Variants in NRG3 observed in about 807,000 individuals in gnomAD.
NRG3 encodes the protein pro-neuregulin-3, membrane-bound isoform.
A neutral mutation model predicts 66.9 loss-of-function variants in NRG3; 31 were observed. That is an observed-to-expected ratio of 0.46 (90% CI 0.35 to 0.63). The LOEUF is 0.63. Among genes scored for constraint, NRG3 ranks in the 20% least tolerant of loss-of-function variants. NRG3 has a pLI of 0.00. For missense variants in NRG3, 910 were observed against 878.9 expected (o/e 1.04, Z -0.45); for synonymous variants, 393 against 359.4 (o/e 1.09, Z -1.06).
chr10:82,961,989 A>G (rs1264212659), intron 6 of NRG3, among the ~76,000 whole-genome samples: 1 of 152,248 alleles, frequency 6.6e-6, no homozygotes, highest in Non-Finnish European at 1.5e-5. Context: ...AGTGTTTAAC[A>G]AATGAATTGT....
chr10:82,303,889 TA>T (rs1310878633), intron 1 of NRG3, among the ~76,000 whole-genome samples: 1 of 151,796 alleles, frequency 6.6e-6, no homozygotes, highest in Non-Finnish European at 1.5e-5. Context: ...AATAAATAAA[TA>T]AAAAAGAAGA....
At chr10:81,987,371 C>T (rs1185863389) in intron 1 of NRG3, among the ~76,000 whole-genome samples, 2 of 152,312 alleles carry the variant, frequency 1.3e-5, no homozygotes, top group African/African-American at 4.8e-5. Context: ...AGGCGTGAGC[C>T]ACCATGCCTG....
intron 2 of NRG3, among the ~76,000 whole-genome samples, chr10:82,703,128 G>A (rs1353261902): frequency 6.6e-6 from 1 of 151,612 alleles, no homozygotes; most frequent in Non-Finnish European, 1.5e-5. Context: ...AGACAGTGCT[G>A]TATATACAGA....
chr10:81,950,516 A>G (rs1849256686), intron 1 of NRG3, among the ~76,000 whole-genome samples: 2 of 152,188 alleles, frequency 1.3e-5, no homozygotes, highest in South Asian at 4.1e-4. Flanking sequence ...CTACTCCTTC[A>G]TGCTGCAGAA....
chr10:82,166,559 T>C (rs901595820), intron 1 of NRG3, among the ~76,000 whole-genome samples: 9 of 152,020 alleles, frequency 5.9e-5, no homozygotes, highest in Admixed American at 5.9e-4. Context: ...GCCCATATTA[T>C]AAATACTATA....
intron 3 of NRG3, among the ~76,000 whole-genome samples, chr10:82,747,398 T>G (rs1156335226): frequency 6.6e-6 from 1 of 152,048 alleles, no homozygotes; most frequent in East Asian, 1.9e-4. Flanking sequence ...GAGGATAAAT[T>G]CCTAGATTTT....
intron 3 of NRG3, among the ~76,000 whole-genome samples, chr10:82,791,372 A>G (rs978736359): frequency 3.3e-5 from 5 of 151,134 alleles, no homozygotes; most frequent in Admixed American, 6.6e-5. Context: ...ATTCCTTATC[A>G]TGTGCAGCCA....
rs1844732435 is a variant in NRG3, at chr10:82,906,319, A to G, written c.1054+40882A>G. On this transcript the variant is annotated intron_variant, in intron 4 of 8. Coordinates refer to ENST00000372141, the MANE Select transcript of NRG3 (RefSeq NM_001010848.4). ...CACACGTCGTATCATAATTTATACTACTTTTCATGACAGCAATGTTAAAAT... is the reference window on the plus strand; with the variant it reads ...CACACGTCGTATCATAATTTATACTGCTTTTCATGACAGCAATGTTAAAAT... Among the ~76,000 whole-genome samples, 4 of 152,110 alleles carry G rather than the reference A, an allele frequency of 2.6e-5. No individual in the cohort carries two copies. The South Asian group carries it at 8.3e-4, about 32-fold the overall frequency.
At chr10:82,660,481 G>A (rs532274752) in intron 2 of NRG3, among the ~76,000 whole-genome samples, 1 of 152,208 alleles carries the variant, frequency 6.6e-6, no homozygotes, top group South Asian at 2.1e-4. Context: ...TCTTAGGAAA[G>A]TTTGGTGGAC....
chr10:82,125,628 A>C (rs2068395451), intron 1 of NRG3, among the ~76,000 whole-genome samples: 1 of 151,912 alleles, frequency 6.6e-6, no homozygotes, highest in Non-Finnish European at 1.5e-5. Context: ...CTTGACTTCT[A>C]TTATAAGGCA....
intron 3 of NRG3, among the ~76,000 whole-genome samples, chr10:82,785,564 T>TA (rs1374803475): frequency 6.6e-6 from 1 of 152,072 alleles, no homozygotes; most frequent in East Asian, 1.9e-4. Flanking sequence ...TACCATTCTT[T>TA]TTATAAAGTT....
intron 1 of NRG3, among the ~76,000 whole-genome samples, chr10:82,086,270 G>A (rs544144014): frequency 6.6e-6 from 1 of 152,080 alleles, no homozygotes; most frequent in Non-Finnish European, 1.5e-5. Context: ...TCCTCTACGA[G>A]AGTTTTAAAG....
At chr10:82,725,135 C>T (rs2057526694) in intron 2 of NRG3, among the ~76,000 whole-genome samples, 1 of 152,170 alleles carries the variant, frequency 6.6e-6, no homozygotes. Flanking sequence ...GTAAGAGTCT[C>T]AGTATTAAAA....
intron 2 of NRG3, among the ~76,000 whole-genome samples, chr10:82,500,493 T>C (rs762287368): frequency 6.6e-6 from 1 of 152,224 alleles, no homozygotes; most frequent in Non-Finnish European, 1.5e-5. Context: ...TTTTGTAGGT[T>C]GAATTATTTC....
chr10:82,020,818 A>G (rs549608075), intron 1 of NRG3, among the ~76,000 whole-genome samples: 2 of 152,222 alleles, frequency 1.3e-5, no homozygotes, highest in South Asian at 4.1e-4. Context: ...TATAAATGTC[A>G]CTTCCAATCC....
At chr10:82,203,561 TG>T in intron 1 of NRG3, among the ~76,000 whole-genome samples, 1 of 152,172 alleles carries the variant, frequency 6.6e-6, no homozygotes, top group Non-Finnish European at 1.5e-5. Context: ...AAATTGACTT[TG>T]TCTGGAAATT....
chr10:82,711,663 C>T (rs1213216697), intron 2 of NRG3, among the ~76,000 whole-genome samples: 1 of 151,790 alleles, frequency 6.6e-6, no homozygotes, highest in African/African-American at 2.4e-5. Flanking sequence ...CTGACTTCTT[C>T]CAATGCTACT....
At chr10:82,434,841 G>A (rs180700576) in intron 2 of NRG3, among the ~76,000 whole-genome samples, 27 of 152,124 alleles carry the variant, frequency 1.8e-4, no homozygotes, top group South Asian at 2.1e-4. Context: ...GCTGGTTTCC[G>A]TTTCCCATAT....
chr10:82,034,270 T>G (rs4933269), intron 1 of NRG3, among the ~76,000 whole-genome samples: 84,568 of 151,912 alleles, frequency 0.56, 23,609 homozygotes, highest in South Asian at 0.65. Context: ...TTCTTAAATT[T>G]CAGATATGTT....
Sources: gnomAD v4.1 joint callset for allele counts (sites outside exome capture counted in the v4.1 genomes callset) on GRCh38, gnomAD v4.1.1 for gene constraint, MANE v1.5 for transcripts, NCBI Gene and HGNC (gene_info 2026-07-23, HGNC 2026-07-21) for gene names.